CSMD1: variants seen among roughly 807,000 people sequenced by gnomAD.
CSMD1 encodes CUB and Sushi multiple domains 1.
Under a neutral mutation model 417.5 loss-of-function variants are expected in CSMD1, and 213 were observed. The observed-to-expected ratio is 0.51, with a 90% CI of 0.46 to 0.57. The LOEUF is 0.57. Ranked by LOEUF, CSMD1 falls within the 20% of genes least tolerant of loss-of-function variation. The pLI, the probability that CSMD1 is intolerant of heterozygous loss-of-function variation, is 0.00. For missense variants in CSMD1, 6,923 were observed against 4,529.7 expected (o/e 1.53, Z -15.17); for synonymous variants, 2,862 against 1,736.8 (o/e 1.65, Z -16.11).
intron 3 of CSMD1, among the ~76,000 whole-genome samples, chr8:4,361,593 C>A (rs913702659): frequency 3.3e-5 from 5 of 152,172 alleles, no homozygotes; most frequent in African/African-American, 1.2e-4. Context: ...AACGCAGTTG[C>A]CCTATTTTAT....
intron 1 of CSMD1, among the ~76,000 whole-genome samples, chr8:4,991,764 G>A (rs575551622): frequency 3.2e-4 from 49 of 152,312 alleles, no homozygotes; most frequent in African/African-American, 1.1e-3. Flanking sequence ...CCAATGGCCA[G>A]AGCGCACAAA....
chr8:4,092,385 C>G (rs953065055), intron 3 of CSMD1, among the ~76,000 whole-genome samples: 5 of 152,120 alleles, frequency 3.3e-5, no homozygotes, highest in Admixed American at 2.0e-4. Context: ...GCTGTGCTCT[C>G]CACCGTAAGG....
At chr8:4,736,514 C>T (rs554250564) in intron 1 of CSMD1, among the ~76,000 whole-genome samples, 2 of 152,198 alleles carry the variant, frequency 1.3e-5, no homozygotes, top group East Asian at 3.9e-4. Context: ...CTCAAGCATA[C>T]ACTGCGGCCA....
At chr8:3,268,757 C>T (rs1225947609) in intron 26 of CSMD1, among the ~76,000 whole-genome samples, 7 of 152,140 alleles carry the variant, frequency 4.6e-5, no homozygotes, top group African/African-American at 1.4e-4. Flanking sequence ...TGCCTACCTA[C>T]TCCTGTGTTG....
chr8:3,248,523 CTTT>C (rs10663439), intron 26 of CSMD1, among the ~76,000 whole-genome samples: 2 of 85,982 alleles, frequency 2.3e-5, no homozygotes, highest in African/African-American at 8.5e-5. Context: ...AATTCCCTCC[CTTT>C]TTTTTTTTTT....
intron 22 of CSMD1, among the ~76,000 whole-genome samples, chr8:3,346,721 G>A (rs1808025330): frequency 6.6e-6 from 1 of 152,184 alleles, no homozygotes; most frequent in Admixed American, 6.5e-5. Context: ...GTAAAGGGAG[G>A]ACACACAGTG....
intron 49 of CSMD1, among the ~76,000 whole-genome samples, chr8:3,076,835 T>G (rs1389828474): frequency 1.3e-5 from 2 of 152,034 alleles, no homozygotes; most frequent in Non-Finnish European, 2.9e-5. Flanking sequence ...CTTTAAGAAG[T>G]GTGTTGTCTC....
intron 54 of CSMD1, among the ~76,000 whole-genome samples, chr8:2,986,007 G>A (rs1478461071): frequency 7.0e-6 from 1 of 143,202 alleles, no homozygotes; most frequent in Admixed American, 6.8e-5. Context: ...AGCGGAAGGG[G>A]AGAGAGGGAG....
intron 3 of CSMD1, among the ~76,000 whole-genome samples, chr8:4,299,197 A>G (rs1797848858): frequency 2.0e-5 from 3 of 152,214 alleles, no homozygotes; most frequent in Admixed American, 2.0e-4. Context: ...AGGAGAAAAT[A>G]TACTTTTGCC....
chr8:3,039,394 C>G (rs765865197), intron 50 of CSMD1, among the ~76,000 whole-genome samples: 1 of 134,400 alleles, frequency 7.4e-6, no homozygotes, highest in Non-Finnish European at 1.5e-5. Context: ...CTTCCTTCCC[C>G]CTTCCCTTCC....
intron 2 of CSMD1, among the ~76,000 whole-genome samples, chr8:4,431,504 A>G (rs180937413): frequency 2.0e-5 from 3 of 152,204 alleles, no homozygotes; most frequent in Non-Finnish European, 2.9e-5. Context: ...GTAGAGACCA[A>G]TTGCTACTCA....
At chr8:4,321,442 G>A (rs995441506) in intron 3 of CSMD1, among the ~76,000 whole-genome samples, 2 of 152,032 alleles carry the variant, frequency 1.3e-5, no homozygotes, top group African/African-American at 4.8e-5. Context: ...TGTGACCTTG[G>A]GAATCTTACC....
chr8:4,077,547 C>G (rs1799900067), intron 3 of CSMD1, among the ~76,000 whole-genome samples: 1 of 151,972 alleles, frequency 6.6e-6, no homozygotes, highest in Admixed American at 6.6e-5. Context: ...CTGGTCAAAA[C>G]AACACATTCC....
intron 46 of CSMD1, among the ~76,000 whole-genome samples, chr8:3,104,314 C>T (rs1195085566): frequency 6.6e-6 from 1 of 152,164 alleles, no homozygotes; most frequent in Non-Finnish European, 1.5e-5. Flanking sequence ...CAGACGTTGG[C>T]TTTCTTCTAA....
At chr8:3,220,629 G>T (rs963798494) in intron 28 of CSMD1, among the ~76,000 whole-genome samples, 1 of 152,184 alleles carries the variant, frequency 6.6e-6, no homozygotes, top group South Asian at 2.1e-4. Context: ...TCAGGAGTTC[G>T]AGAACAGCCT....
intron 5 of CSMD1, among the ~76,000 whole-genome samples, chr8:3,886,605 C>A (rs1008445705): frequency 6.6e-6 from 1 of 152,130 alleles, no homozygotes; most frequent in Non-Finnish European, 1.5e-5. Flanking sequence ...TCCCTGGAGT[C>A]AGATTTGGCC....
intron 10 of CSMD1, among the ~76,000 whole-genome samples, chr8:3,550,094 G>A (rs1420790266): frequency 6.6e-6 from 1 of 152,092 alleles, no homozygotes. Flanking sequence ...AGAAAGCAAA[G>A]CACAGAGCCG....
In CSMD1 at chr8:3,733,583, G is replaced by C. The variant is rs575913570; in HGVS notation, c.931+20347C>G. On this transcript the variant is annotated intron_variant, in intron 6 of 69. Transcript: ENST00000635120. The stretch of plus-strand genomic sequence containing the variant: ...AAGTTGCGGGCCATTCTTCGAGTGT[G>C]ATGAAACCCTGCACCGCCCTGCTGC... 2.3e-4 allele frequency among the ~76,000 whole-genome samples: 35 copies of C among 152,112 alleles called. No homozygotes were observed. In the South Asian group the frequency reaches 7.1e-3, roughly 31 times the overall value.
intron 12 of CSMD1, among the ~76,000 whole-genome samples, chr8:3,450,009 C>A (rs1311072472): frequency 6.6e-6 from 1 of 152,232 alleles, no homozygotes; most frequent in East Asian, 1.9e-4. Context: ...GGGTCACCAG[C>A]TCCTCCTCAT....
Sources: gnomAD v4.1 joint callset for allele counts (sites outside exome capture counted in the v4.1 genomes callset) on GRCh38, gnomAD v4.1.1 for gene constraint, MANE v1.5 for transcripts, NCBI Gene and HGNC (gene_info 2026-07-23, HGNC 2026-07-21) for gene names.